Variants in BCL2 observed in about 807,000 individuals in gnomAD.
BCL2 encodes apoptosis regulator Bcl-2.
In BCL2, 1 loss-of-function variant was observed where a neutral mutation model predicts 14.2. The observed-to-expected ratio is 0.07, with a 90% CI of 0.02 to 0.33. BCL2 has a LOEUF of 0.33. BCL2 is among the 10% of genes least tolerant of loss of function. BCL2 has a pLI of 0.99. For missense variants in BCL2, 247 were observed against 305.9 expected (o/e 0.81, Z 1.44); for synonymous variants, 151 against 137.2 (o/e 1.10, Z -0.70).
At chr18:63,180,029 C>A (rs9962656) in intron 2 of BCL2, among the ~76,000 whole-genome samples, 46,968 of 152,004 alleles carry the variant, frequency 0.31, 7,553 homozygotes, top group East Asian at 0.46. Flanking sequence ...CCCCAAGTTA[C>A]AAAAGCACAT....
intron 2 of BCL2, among the ~76,000 whole-genome samples, chr18:63,157,680 G>A (rs1193773357): frequency 6.6e-6 from 1 of 152,134 alleles, no homozygotes; most frequent in Non-Finnish European, 1.5e-5. Flanking sequence ...ACACTATGTG[G>A]TCTCTATCAG....
chr18:63,165,174 G>A (rs1278768185), intron 2 of BCL2, among the ~76,000 whole-genome samples: 1 of 152,186 alleles, frequency 6.6e-6, no homozygotes, highest in Non-Finnish European at 1.5e-5. Context: ...CCCATGTGGT[G>A]CCCTGCAAGG....
chr18:63,140,204 G>A (rs1413506242), intron 2 of BCL2, among the ~76,000 whole-genome samples: 1 of 152,210 alleles, frequency 6.6e-6, no homozygotes, highest in East Asian at 1.9e-4. Flanking sequence ...TGGTGGGAAT[G>A]TAAACTGGTG....
chr18:63,161,524 G>A (rs1568219785), intron 2 of BCL2, among the ~76,000 whole-genome samples: 1 of 152,126 alleles, frequency 6.6e-6, no homozygotes, highest in Non-Finnish European at 1.5e-5. Context: ...CTCCCCATCT[G>A]ACCTTCTGTT....
At chr18:63,169,319 CCTT>C (rs1915145226) in intron 2 of BCL2, among the ~76,000 whole-genome samples, 4 of 41,650 alleles carry the variant, frequency 9.6e-5, no homozygotes, top group East Asian at 1.5e-3. Context: ...TTCCTTCCTT[CCTT>C]CTTTCCTTTC....
chr18:63,249,732 A>AT (rs1911253069), intron 2 of BCL2, among the ~76,000 whole-genome samples: 1 of 116,826 alleles, frequency 8.6e-6, no homozygotes, highest in African/African-American at 3.2e-5. Flanking sequence ...AAAAAAAAAA[A>AT]GGCAAGCTCT....
At chr18:63,257,814 G>A (rs1233746028) in intron 2 of BCL2, among the ~76,000 whole-genome samples, 2 of 152,222 alleles carry the variant, frequency 1.3e-5, no homozygotes, top group African/African-American at 4.8e-5. Context: ...TTAAGTGGAG[G>A]GACGGAGCAT....
intron 2 of BCL2, among the ~76,000 whole-genome samples, chr18:63,245,565 C>T (rs1247957879): frequency 1.3e-5 from 2 of 152,032 alleles, no homozygotes; most frequent in Admixed American, 1.3e-4. Context: ...GTCCTGATGG[C>T]GGTGGTGGTT....
intron 2 of BCL2, among the ~76,000 whole-genome samples, chr18:63,160,978 T>C (rs750073597): frequency 6.6e-6 from 1 of 152,204 alleles, no homozygotes; most frequent in Non-Finnish European, 1.5e-5. Flanking sequence ...CTGAATTCTA[T>C]GTCTTCACGG....
At chr18:63,274,765 C>T (rs1424429079) in intron 2 of BCL2, among the ~76,000 whole-genome samples, 1 of 152,104 alleles carries the variant, frequency 6.6e-6, no homozygotes, top group Non-Finnish European at 1.5e-5. Context: ...GGGATTTCTG[C>T]CTCCAAACCC....
chr18:63,312,117 G>A (rs142924559), intron 2 of BCL2, among the ~76,000 whole-genome samples: 153 of 152,320 alleles, frequency 1.0e-3, no homozygotes, highest in Non-Finnish European at 1.7e-3. Context: ...TGGGGTGAGG[G>A]TTATCCTCTC....
intron 2 of BCL2, among the ~76,000 whole-genome samples, chr18:63,244,208 T>C (rs1351245649): frequency 6.6e-6 from 1 of 152,144 alleles, no homozygotes; most frequent in Non-Finnish European, 1.5e-5. Flanking sequence ...TGAAACCCTG[T>C]CTCTACCAAA....
intron 2 of BCL2, among the ~76,000 whole-genome samples, chr18:63,156,391 A>T (rs1329914063): frequency 6.6e-6 from 1 of 152,190 alleles, no homozygotes; most frequent in African/African-American, 2.4e-5. Flanking sequence ...GAGGATGTTT[A>T]GCAGCTTCTC....
chr18:63,157,422 C>T (rs1455527750), intron 2 of BCL2, among the ~76,000 whole-genome samples: 4 of 152,212 alleles, frequency 2.6e-5, no homozygotes, highest in Non-Finnish European at 5.9e-5. Flanking sequence ...CAGGAGGTGG[C>T]TTATTTCATG....
chr18:63,241,878 A>G lies in BCL2; in HGVS notation c.585+76204T>C, dbSNP rs4987756. 3.2e-3 allele frequency among the ~76,000 whole-genome samples: 487 copies of G among 152,362 alleles called. 5 individuals carry two copies. The highest frequency in any genetic ancestry group is 0.011 in the African/African-American group (463 of 41,586). On this transcript the variant is annotated intron_variant, in intron 2 of 2. Transcript: ENST00000333681. ...TTTCGTAAAAAATACAACTTTGAAA[A>G]GGAGTTGGATTTGAATTGTGGCCGA...
intron 2 of BCL2, among the ~76,000 whole-genome samples, chr18:63,187,704 G>C (rs1915622061): frequency 6.6e-6 from 1 of 152,210 alleles, no homozygotes; most frequent in Non-Finnish European, 1.5e-5. Flanking sequence ...GGTCTTCCTA[G>C]TATTGTTGTT....
At chr18:63,225,212 C>T (rs542437494) in intron 2 of BCL2, among the ~76,000 whole-genome samples, 8 of 151,956 alleles carry the variant, frequency 5.3e-5, no homozygotes, top group Non-Finnish European at 1.2e-4. Context: ...GCTGTTAATG[C>T]CATTTATTTT....
intron 2 of BCL2, among the ~76,000 whole-genome samples, chr18:63,219,479 C>T (rs901487264): frequency 1.1e-4 from 14 of 122,674 alleles, no homozygotes; most frequent in East Asian, 4.8e-4. Context: ...TTTTTTGAGA[C>T]GGATTCTCGC....
intron 2 of BCL2, chr18:63,317,411 G>T: frequency 2.6e-6 from 1 of 390,696 alleles, no homozygotes; most frequent in Non-Finnish European, 3.5e-6. Flanking sequence ...TACTCCTCAG[G>T]ACACCTCATC....
Sources: gnomAD v4.1 joint callset for allele counts (sites outside exome capture counted in the v4.1 genomes callset) on GRCh38, gnomAD v4.1.1 for gene constraint, MANE v1.5 for transcripts, NCBI Gene and HGNC (gene_info 2026-07-23, HGNC 2026-07-21) for gene names.